SH3RF1: variants seen among roughly 807,000 people sequenced by gnomAD.
The protein encoded by SH3RF1 is E3 ubiquitin-protein ligase SH3RF1.
In SH3RF1, 32 loss-of-function variants were observed where a neutral mutation model predicts 74.0. That is an observed-to-expected ratio of 0.43 (90% CI 0.33 to 0.58). The LOEUF (loss-of-function observed/expected upper bound fraction) is 0.58. Ranked by LOEUF, SH3RF1 falls within the 20% of genes least tolerant of loss-of-function variation. The pLI, the probability that SH3RF1 is intolerant of heterozygous loss-of-function variation, is 0.05. For synonymous variants in SH3RF1, 396 were observed against 439.6 expected (o/e 0.90, Z 1.24); for missense variants, 954 against 1,130.9 (o/e 0.84, Z 2.24).
chr4:169,220,042 T>G (rs1315659743), intron 2 of SH3RF1: 1 of 152,174 alleles, frequency 6.6e-6, no homozygotes, highest in African/African-American at 2.4e-5. Context: ...AGCAGAAATG[T>G]GGGTTTTGCT....
intron 4 of SH3RF1, among the ~76,000 whole-genome samples, chr4:169,140,722 T>TA (rs1733771105): frequency 6.6e-6 from 1 of 152,154 alleles, no homozygotes; most frequent in South Asian, 2.1e-4. Flanking sequence ...AGGCGGGACT[T>TA]ACAATATTTT....
chr4:169,223,694 G>A (rs2660408), intron 2 of SH3RF1, among the ~76,000 whole-genome samples: 143,518 of 152,264 alleles, frequency 0.94, 68,210 homozygotes, highest in East Asian at 1. Context: ...TGATGGGCAA[G>A]CATATCAACA....
chr4:169,176,048 C>T (rs1395391151), intron 2 of SH3RF1, among the ~76,000 whole-genome samples: 1 of 152,152 alleles, frequency 6.6e-6, no homozygotes, highest in Admixed American at 6.5e-5. Flanking sequence ...AAGGAAAGGC[C>T]ATGGAGCACA....
intron 2 of SH3RF1, among the ~76,000 whole-genome samples, chr4:169,215,823 G>A (rs1005986784): frequency 4.0e-5 from 6 of 151,274 alleles, no homozygotes; most frequent in South Asian, 4.2e-4. Context: ...TGTGTGAAGC[G>A]TGAAGGGTCT....
At chr4:169,158,252 G>A (rs1437539869) in intron 2 of SH3RF1, among the ~76,000 whole-genome samples, 1 of 152,200 alleles carries the variant, frequency 6.6e-6, no homozygotes, top group African/African-American at 2.4e-5. Flanking sequence ...AGTGACACAT[G>A]AGCCAAGTCT....
At chr4:169,237,410 G>A (rs1203787335) in intron 2 of SH3RF1, among the ~76,000 whole-genome samples, 1 of 152,242 alleles carries the variant, frequency 6.6e-6, no homozygotes, top group Non-Finnish European at 1.5e-5. Context: ...GGAGGTGGAA[G>A]TGGGAGGATG....
intron 2 of SH3RF1, among the ~76,000 whole-genome samples, chr4:169,224,802 A>G (rs1346597508): frequency 6.6e-6 from 1 of 152,214 alleles, no homozygotes; most frequent in Non-Finnish European, 1.5e-5. Context: ...CTGAGCCATC[A>G]GGATTTGCCT....
intron 4 of SH3RF1, among the ~76,000 whole-genome samples, chr4:169,144,483 G>A (rs1460735902): frequency 6.6e-6 from 1 of 152,124 alleles, no homozygotes; most frequent in East Asian, 1.9e-4. Flanking sequence ...TTTTTTGAGT[G>A]ACTGTTAAAA....
chr4:169,156,683 T>TA lies in SH3RF1; in HGVS notation c.394-5dup, dbSNP rs146400483. The TA allele has an allele frequency of 8.1e-3, 10,268 of 1,259,976 alleles. No homozygotes were observed. The highest frequency in any genetic ancestry group is 0.016 in the South Asian group (1,022 of 64,396). The allele number at this position is 1,259,976 out of a possible 1,614,324, so 78.0% of individuals were successfully genotyped here. A position where few individuals can be genotyped will look rare whatever the true frequency, so the allele number is the denominator to read the frequency against. ...CACATGGTAACTGAGGTATACCCTT[T>TA]AAAAAAAAAAGAGGGATGAATTTTA... On this transcript the variant is annotated splice_region_variant and splice_polypyrimidine_tract_variant and intron_variant, in intron 2 of 11. Coordinates refer to ENST00000284637, the MANE Select transcript of SH3RF1 (RefSeq NM_020870.4).
intron 2 of SH3RF1, among the ~76,000 whole-genome samples, chr4:169,183,891 T>C (rs1734557179): frequency 6.6e-6 from 1 of 152,240 alleles, no homozygotes; most frequent in Admixed American, 6.5e-5. Context: ...TTTTTATTTC[T>C]ATAAAATCAT....
At chr4:169,174,049 C>T (rs548777010) in intron 2 of SH3RF1, among the ~76,000 whole-genome samples, 1 of 151,828 alleles carries the variant, frequency 6.6e-6, no homozygotes, top group South Asian at 2.1e-4. Context: ...GCAGCCCCAT[C>T]CTGATAACAC....
intron 4 of SH3RF1, among the ~76,000 whole-genome samples, chr4:169,146,318 C>T (rs1733893553): frequency 1.3e-5 from 2 of 150,430 alleles, no homozygotes; most frequent in Non-Finnish European, 3.0e-5. Flanking sequence ...CAACCTCTGC[C>T]TCCTGGGTTC....
intron 2 of SH3RF1, among the ~76,000 whole-genome samples, chr4:169,196,875 T>G (rs1239887441): frequency 6.6e-6 from 1 of 152,160 alleles, no homozygotes; most frequent in African/African-American, 2.4e-5. Context: ...ATTGCTTTAG[T>G]TTTATCCAAT....
At chr4:169,187,517 TG>T (rs1734629074) in intron 2 of SH3RF1, among the ~76,000 whole-genome samples, 1 of 48 alleles carries the variant, frequency 0.021, no homozygotes, top group Admixed American at 0.17. Context: ...AACGAATTTC[TG>T]TGTGTGTGTG....
At chr4:169,148,033 C>T (rs1359345505) in intron 4 of SH3RF1, among the ~76,000 whole-genome samples, 3 of 151,734 alleles carry the variant, frequency 2.0e-5, no homozygotes, top group African/African-American at 4.8e-5. Flanking sequence ...AAAAAGGCAA[C>T]CTCAGATATT....
chr4:169,107,110 C>T lies in SH3RF1; in HGVS notation c.2235G>A (p.Glu745=). 1 of 1,613,874 alleles carries T rather than the reference C, an allele frequency of 6.2e-7. No individual in the cohort carries two copies. The highest frequency in any genetic ancestry group is 1.7e-4 in the Middle Eastern group (1 of 5,934). Residue 745 remains glutamate, a synonymous_variant, in exon 11 of 12, where the codon GAG becomes GAA. Transcript: ENST00000284637. ...SPPASPTLEV[E]LGSAELPLQG... is the part of the protein sequence containing the mutation. Reference sequence around the variant, plus strand: ...GGAGAGGAAGCTCTGCACTGCCCAGCTCCACTTCTAGGGTGGGCGATGCTG... The same window carrying T: ...GGAGAGGAAGCTCTGCACTGCCCAGTTCCACTTCTAGGGTGGGCGATGCTG...
chr4:169,135,604 A>G (rs1186803923), intron 5 of SH3RF1, among the ~76,000 whole-genome samples: 2 of 152,194 alleles, frequency 1.3e-5, no homozygotes, highest in African/African-American at 4.8e-5. Context: ...CTAACACAGC[A>G]AATTGCTATA....
chr4:169,232,933 T>C (rs1021882782), intron 2 of SH3RF1, among the ~76,000 whole-genome samples: 1 of 152,070 alleles, frequency 6.6e-6, no homozygotes, highest in African/African-American at 2.4e-5. Context: ...ATATCAAGCC[T>C]TCGTATGCAG....
intron 2 of SH3RF1, among the ~76,000 whole-genome samples, chr4:169,159,719 C>G (rs1579112620): frequency 6.6e-6 from 1 of 152,178 alleles, no homozygotes; most frequent in Non-Finnish European, 1.5e-5. Flanking sequence ...AGCCTCTTTA[C>G]CAGTGAAATG....
Sources: gnomAD v4.1 joint callset for allele counts (sites outside exome capture counted in the v4.1 genomes callset) on GRCh38, gnomAD v4.1.1 for gene constraint, MANE v1.5 for transcripts, NCBI Gene and HGNC (gene_info 2026-07-23, HGNC 2026-07-21) for gene names.